Variants in SORL1-AS1 observed in about 807,000 individuals in gnomAD.
SORL1-AS1 encodes the protein SORL1 antisense RNA 1, also known as lncRNA 51 A.
downstream of SORL1-AS1, among the ~76,000 whole-genome samples, chr11:121,445,288 C>T (rs1591536938): frequency 6.6e-6 from 1 of 152,156 alleles, no homozygotes; most frequent in African/African-American, 2.4e-5. Context: ...ACAGGTCCTC[C>T]CACTTCTCCT....
chr11:121,445,237 C>T (rs536080008), downstream of SORL1-AS1, among the ~76,000 whole-genome samples: 188 of 152,270 alleles, frequency 1.2e-3, no homozygotes, highest in African/African-American at 4.2e-3. Flanking sequence ...CAGTGAGGGG[C>T]GTGATCTGTC....
downstream of SORL1-AS1, among the ~76,000 whole-genome samples, chr11:121,446,802 CT>C (rs1477420923): frequency 6.6e-6 from 1 of 150,864 alleles, no homozygotes; most frequent in Non-Finnish European, 1.5e-5. Context: ...GGCCAAAAAG[CT>C]AGTCTGACTG....
Position 121,452,239 on chromosome 11 carries a change from G to C in SORL1-AS1, n.339+436C>G. 4 of 1,072,014 alleles carry C rather than the reference G, an allele frequency of 3.7e-6. No individual in the cohort carries two copies. Among genetic ancestry groups the C allele is most frequent in the Non-Finnish European group, 4.8e-6 (4 of 836,180 alleles). 66.4% of individuals were successfully genotyped at this position (1,072,014 alleles called of 1,614,324 possible). ...GCGGGCGGCCTGGAGCCCCGGGAGC[G>C]GCGCGCGCGGTCCCGGCCCAGCGGC... On this transcript the variant is annotated intron_variant and non_coding_transcript_variant, in intron 1 of 1. Coordinates refer to ENST00000501964, the Ensembl canonical transcript of SORL1-AS1. This position sits in a 1 kb window ranked among gnomAD's most constrained non-coding sequence, Gnocchi z 5.3.
Position 121,452,468 on chromosome 11 carries a change from G to C in SORL1-AS1, n.339+207C>G, listed in dbSNP as rs949112777. On this transcript the variant is annotated intron_variant and non_coding_transcript_variant, in intron 1 of 1. Transcript: ENST00000501964. The surrounding 1 kb of genome is among the most constrained non-coding windows in gnomAD (Gnocchi z 5.3). ...GGCAGCGCGCCCTTGCCCCAGGACC[G>C]GGGCTTCCTCGTGGTGCAGGGCGAC... The C allele has an allele frequency of 4.1e-5, 62 of 1,506,020 alleles. No individual in the cohort carries two copies. The highest frequency in any genetic ancestry group is 5.4e-5 in the Non-Finnish European group (61 of 1,128,312). The allele number at this position is 1,506,020 out of a possible 1,614,324, so 93.3% of individuals were successfully genotyped here. A position where few individuals can be genotyped will look rare whatever the true frequency, so the allele number is the denominator to read the frequency against.
chr11:121,441,761 G>T, the SORL1-AS1 span, among the ~76,000 whole-genome samples: 1 of 152,078 alleles, frequency 6.6e-6, no homozygotes, highest in African/African-American at 2.4e-5. Flanking sequence ...TGAGACAGAA[G>T]GAGCCTGAAC....
chr11:121,444,546 G>A (rs1033354355), downstream of SORL1-AS1, among the ~76,000 whole-genome samples: 1 of 152,226 alleles, frequency 6.6e-6, no homozygotes, highest in African/African-American at 2.4e-5. Flanking sequence ...ACTGCACATG[G>A]ATGCAGGTTA....
downstream of SORL1-AS1, among the ~76,000 whole-genome samples, chr11:121,442,495 C>T (rs370883032): frequency 1.9e-4 from 29 of 151,286 alleles, no homozygotes; most frequent in African/African-American, 6.3e-4. Context: ...ATTAACTGGG[C>T]GTGGTGGCAC....
At chr11:121,446,993 T>C (rs1443837920), downstream of SORL1-AS1, among the ~76,000 whole-genome samples, 1 of 152,182 alleles carries the variant, frequency 6.6e-6, no homozygotes, top group Non-Finnish European at 1.5e-5. Flanking sequence ...GATACAAGCC[T>C]TGATATGTAA....
In SORL1-AS1 at chr11:121,450,318, A is replaced by C. The variant is rs1860773114; in HGVS notation, n.340-419T>G. Among the ~76,000 whole-genome samples, 1 of 152,146 alleles carries C rather than the reference A, an allele frequency of 6.6e-6. No individual in the cohort carries two copies. The highest frequency in any genetic ancestry group is 2.4e-5 in the African/African-American group (1 of 41,430). On this transcript the variant is annotated intron_variant and non_coding_transcript_variant, in intron 1 of 1. Transcript: ENST00000501964. The surrounding 1 kb of genome is among the most constrained non-coding windows in gnomAD (Gnocchi z 5.2). ...AGAGATATCTTTGCTGCTGGTCCTG[A>C]GAGACCATGGGGTTGTCCATTCCTG...
At chr11:121,442,291 C>T in the SORL1-AS1 span, among the ~76,000 whole-genome samples, 11 of 152,144 alleles carry the variant, frequency 7.2e-5, no homozygotes, top group African/African-American at 2.4e-4. Context: ...TGGTTGGTAA[C>T]GAGCAACTAG....
chr11:121,452,489 G>C lies in SORL1-AS1; in HGVS notation n.339+186C>G. 1 of 1,486,250 alleles carries C rather than the reference G, an allele frequency of 6.7e-7. No homozygotes were observed. The highest frequency in any genetic ancestry group is 8.9e-7 in the Non-Finnish European group (1 of 1,120,560). The allele number at this position is 1,486,250 out of a possible 1,614,324, so 92.1% of individuals were successfully genotyped here. A position where few individuals can be genotyped will look rare whatever the true frequency, so the allele number is the denominator to read the frequency against. The stretch of plus-strand genomic sequence containing the variant: ...GACCGGGGCTTCCTCGTGGTGCAGG[G>C]CGACCCGCGCGAGCTGCGGCTGTGG... On this transcript the variant is annotated intron_variant and non_coding_transcript_variant, in intron 1 of 1. Transcript: ENST00000501964. This position sits in a 1 kb window ranked among gnomAD's most constrained non-coding sequence, Gnocchi z 5.3.
downstream of SORL1-AS1, among the ~76,000 whole-genome samples, chr11:121,442,673 A>AC (rs1401414029): frequency 1.1e-3 from 153 of 136,084 alleles, 1 homozygote; most frequent in Non-Finnish European, 1.9e-3. Flanking sequence ...TTATTTATTT[A>AC]TTTATTTATT....
intron 1 of SORL1-AS1, among the ~76,000 whole-genome samples, chr11:121,451,655 C>G (rs1051704735): frequency 2.6e-5 from 4 of 152,182 alleles, no homozygotes; most frequent in African/African-American, 9.7e-5. Context: ...GGCTGGGGCA[C>G]GTAGCTTGAT....
In SORL1-AS1 at chr11:121,452,370, G is replaced by A. The variant is rs2134756496; in HGVS notation, n.339+305C>T. 1.3e-6 allele frequency: 2 copies of A among 1,553,706 alleles called. No individual in the cohort carries two copies. The highest frequency in any genetic ancestry group is 2.6e-5 in the East Asian group (1 of 38,536). On this transcript the variant is annotated intron_variant and non_coding_transcript_variant, in intron 1 of 1. Coordinates refer to ENST00000501964, the Ensembl canonical transcript of SORL1-AS1. This position sits in a 1 kb window ranked among gnomAD's most constrained non-coding sequence, Gnocchi z 5.3. ...GCAGCAGGAGGGAGTCGCGACTCCC[G>A]TTCCTATTCACCCTGGTCGCACTGC... is the stretch of plus-strand genomic sequence containing the variant.
chr11:121,452,440 G>C lies in SORL1-AS1; in HGVS notation n.339+235C>G. ...CGAAGTCTGGACGCAGAGGCTGCAC[G>C]GCGGCAGCGCGCCCTTGCCCCAGGA... On this transcript the variant is annotated intron_variant and non_coding_transcript_variant, in intron 1 of 1. Coordinates refer to ENST00000501964, the Ensembl canonical transcript of SORL1-AS1. This position sits in a 1 kb window ranked among gnomAD's most constrained non-coding sequence, Gnocchi z 5.3. 1.3e-6 allele frequency: 2 copies of C among 1,500,466 alleles called. No homozygotes were observed. Among genetic ancestry groups the C allele is most frequent in the Non-Finnish European group, 1.8e-6 (2 of 1,128,618 alleles). The allele number at this position is 1,500,466 out of a possible 1,614,324, so 92.9% of individuals were successfully genotyped here.
the SORL1-AS1 span, among the ~76,000 whole-genome samples, chr11:121,441,295 G>A: frequency 2.0e-5 from 3 of 151,834 alleles, no homozygotes; most frequent in South Asian, 2.1e-4. Flanking sequence ...AGGCCGAGGC[G>A]GGCAGATCAC....
In SORL1-AS1 at chr11:121,452,363, G is replaced by C. The variant is rs147575757; in HGVS notation, n.339+312C>G. Reference sequence around the variant, plus strand: ...ACACGGAGCAGCAGGAGGGAGTCGCGACTCCCGTTCCTATTCACCCTGGTC... The same window carrying C: ...ACACGGAGCAGCAGGAGGGAGTCGCCACTCCCGTTCCTATTCACCCTGGTC... On this transcript the variant is annotated intron_variant and non_coding_transcript_variant, in intron 1 of 1. Coordinates refer to ENST00000501964, the Ensembl canonical transcript of SORL1-AS1. The surrounding 1 kb of genome is among the most constrained non-coding windows in gnomAD (Gnocchi z 5.3). The C allele has an allele frequency of 4.6e-4, 716 of 1,552,880 alleles. No individual in the cohort carries two copies. The highest frequency in any genetic ancestry group is 5.8e-4 in the Non-Finnish European group (668 of 1,154,090).
chr11:121,440,515 C>G, the SORL1-AS1 span, among the ~76,000 whole-genome samples: 1 of 152,230 alleles, frequency 6.6e-6, no homozygotes, highest in Non-Finnish European at 1.5e-5. Flanking sequence ...GCCCTCCTGT[C>G]TCTTGTCCCT....
chr11:121,449,541 A>G (rs567806530), exon 2 of SORL1-AS1: 1 of 152,352 alleles, frequency 6.6e-6, no homozygotes, highest in Admixed American at 6.5e-5. Flanking sequence ...TAACTTATGA[A>G]GAAATCGTAA....
Sources: allele counts gnomAD v4.1 joint callset (sites outside exome capture counted in the v4.1 genomes callset), GRCh38; gene constraint gnomAD v4.1.1; non-coding constraint Gnocchi (gnomAD v3.1); transcripts MANE v1.5; gene names NCBI Gene and HGNC (gene_info 2026-07-23, HGNC 2026-07-21).